LGALS9C: variants seen among roughly 807,000 people sequenced by gnomAD.
The protein encoded by LGALS9C is galectin 9C.
A neutral mutation model predicts 41.3 loss-of-function variants in LGALS9C; 7 were observed. The ratio of observed to expected loss-of-function variants is 0.17; its 90% CI spans 0.10 to 0.32. LGALS9C has a LOEUF of 0.32. Ranked by LOEUF, LGALS9C falls within the 10% of genes least tolerant of loss-of-function variation. The pLI is 1.00. For synonymous variants in LGALS9C, 44 were observed against 171.0 expected (o/e 0.26, Z 5.80); for missense variants, 102 against 455.2 (o/e 0.22, Z 7.06).
intron 7 of LGALS9C, among the ~76,000 whole-genome samples, chr17:18,491,640 G>C (rs1379498357): frequency 6.9e-6 from 1 of 144,860 alleles, no homozygotes; most frequent in Admixed American, 6.8e-5. Context: ...CTGGGTCCCC[G>C]GGATGTCACT....
At chr17:18,492,931 G>A in intron 10 of LGALS9C, 72 bp downstream of exon 10, 1 of 1,408,920 alleles carries the variant, frequency 7.1e-7, no homozygotes, top group Non-Finnish European at 9.8e-7. Flanking sequence ...GAGGTCTGGG[G>A]TACCTTGAAC....
rs1162066557 is a variant in LGALS9C at position 18,480,340 on chromosome 17, T to C, written c.39+3447T>C. Among the ~76,000 whole-genome samples, 52 of 123,924 alleles carry C rather than the reference T, an allele frequency of 4.2e-4. 10 individuals are homozygous for C. Among genetic ancestry groups the C allele is most frequent in the Non-Finnish European group, 7.3e-4 (38 of 51,722 alleles). The allele number at this position is 123,924 out of a possible 152,430, so 81.3% of individuals were successfully genotyped here. A position where few individuals can be genotyped will look rare whatever the true frequency, so the allele number is the denominator to read the frequency against. ...CTTTTATGGGACCTTTGTGATTACA[T>C]TGGGACCACCTGTATAATCCAAGAC... On this transcript the variant is annotated intron_variant, in intron 1 of 10. Coordinates refer to ENST00000328114, the MANE Select transcript of LGALS9C (RefSeq NM_001040078.3).
chr17:18,484,722 G>A (rs548608098), intron 2 of LGALS9C, among the ~76,000 whole-genome samples: 26 of 151,106 alleles, frequency 1.7e-4, no homozygotes, highest in African/African-American at 6.0e-4. Flanking sequence ...CAGTCCCAGC[G>A]GACCTCTCTT....
intron 5 of LGALS9C, 151 bp downstream of exon 5, chr17:18,489,187 GA>G: frequency 2.8e-6 from 2 of 704,198 alleles, no homozygotes; most frequent in Non-Finnish European, 4.5e-6. Context: ...TGGGCACCCA[GA>G]GCCGGGGACC....
chr17:18,491,881 T>TG (rs1989823004), intron 7 of LGALS9C, 64 bp from the exon 8 acceptor site: 1 of 313,044 alleles, frequency 3.2e-6, no homozygotes, highest in Admixed American at 5.5e-5. Context: ...AATGCGTGGG[T>TG]GCGCGTGGGT....
In LGALS9C at chr17:18,483,118, G is replaced by C. The variant is rs1298468574; in HGVS notation, c.40-757G>C. Among the ~76,000 whole-genome samples the C allele has an allele frequency of 3.4e-3, 402 of 119,124 alleles. 3 individuals are homozygous for C. Among genetic ancestry groups the C allele is most frequent in the African/African-American group, 0.01 (358 of 35,270 alleles). 78.1% of individuals were successfully genotyped at this position (119,124 alleles called of 152,430 possible). ...AGAGTTAGGATTCAGACCTGGAGTC[G>C]GCCTGACTCCAAAACGATGCATGCC... On this transcript the variant is annotated intron_variant, in intron 1 of 10. Coordinates refer to ENST00000328114, the MANE Select transcript of LGALS9C (RefSeq NM_001040078.3).
At chr17:18,484,850 C>T (rs555396883) in intron 2 of LGALS9C, among the ~76,000 whole-genome samples, 1 of 149,914 alleles carries the variant, frequency 6.7e-6, no homozygotes, top group South Asian at 2.2e-4. Flanking sequence ...CTGCAGTGCC[C>T]CCAGGAGATG....
At chr17:18,482,621 TAGATGAGGCGTGTG>T (rs893841739) in intron 1 of LGALS9C, among the ~76,000 whole-genome samples, 1 of 146,140 alleles carries the variant, frequency 6.8e-6, no homozygotes, top group Non-Finnish European at 1.6e-5. Flanking sequence ...GTTGACTTTT[TAGATGAGGCGTGTG>T]ACGTCTACTT....
rs565135647 is a variant in LGALS9C, at chr17:18,488,575, G to A, written c.445-366G>A. 4.1e-5 allele frequency among the ~76,000 whole-genome samples: 5 copies of A among 122,376 alleles called. 1 individual carries two copies. The highest frequency in any genetic ancestry group is 2.0e-4 in the East Asian group (1 of 5,114). The allele number at this position is 122,376 out of a possible 152,430, so 80.3% of individuals were successfully genotyped here. On this transcript the variant is annotated intron_variant, in intron 4 of 10. Transcript: ENST00000328114. Reference sequence around the variant, plus strand: ...TGGGCCCACATTCCCACAGGGCACCGGCAGCTGGATGGGAGCTGCTGTTAC... The same window carrying A: ...TGGGCCCACATTCCCACAGGGCACCAGCAGCTGGATGGGAGCTGCTGTTAC...
chr17:18,492,190 C>G (rs1299583943), intron 8 of LGALS9C: 2 of 444,846 alleles, frequency 4.5e-6, no homozygotes, highest in African/African-American at 4.5e-5. Context: ...GTCGTGTCAA[C>G]GTGAGCACAT....
At chr17:18,487,558 A>G in intron 3 of LGALS9C, 89 bp from the exon 4 acceptor site, 2 of 979,734 alleles carry the variant, frequency 2.0e-6, no homozygotes, top group African/African-American at 1.7e-5. Context: ...TCAGGTCTTC[A>G]TTTTTTAGAA....
At chr17:18,484,738 C>T (rs1392472244) in intron 2 of LGALS9C, among the ~76,000 whole-genome samples, 1 of 151,072 alleles carries the variant, frequency 6.6e-6, no homozygotes, top group Admixed American at 6.6e-5. Context: ...CTCTTAAGAC[C>T]CTCTGGGCCT....
intron 7 of LGALS9C, among the ~76,000 whole-genome samples, 187 bp downstream of exon 7, chr17:18,491,510 T>C (rs1371681458): frequency 2.1e-5 from 3 of 140,078 alleles, no homozygotes; most frequent in African/African-American, 5.0e-5. Context: ...AGATTCTGGA[T>C]TTATCCAGTG....
At chr17:18,485,906 G>A (rs1158665563) in intron 2 of LGALS9C, 28 bp from the exon 3 acceptor site, 1 of 1,087,576 alleles carries the variant, frequency 9.2e-7, no homozygotes, top group African/African-American at 1.6e-5. Context: ...CCATGCCACA[G>A]AAGACTATTT....
intron 4 of LGALS9C, among the ~76,000 whole-genome samples, chr17:18,488,145 T>C (rs1736040427): frequency 7.7e-6 from 1 of 129,954 alleles, no homozygotes; most frequent in Non-Finnish European, 1.9e-5. Context: ...ACTTTGCCTC[T>C]CTCAGCCTCA....
chr17:18,488,993 A>G lies in LGALS9C; in HGVS notation c.497A>G (p.Gln166Arg). 1 of 1,502,458 alleles carries G rather than the reference A, an allele frequency of 6.7e-7. No homozygotes were observed. The highest frequency in any genetic ancestry group is 1.2e-5 in the South Asian group (1 of 86,238). The allele number at this position is 1,502,458 out of a possible 1,614,324, so 93.1% of individuals were successfully genotyped here. A position where few individuals can be genotyped will look rare whatever the true frequency, so the allele number is the denominator to read the frequency against. The part of the protein sequence containing the change: ...QPAFSTVPFS[Q>R]PVCFPPRPRG... ...GCCTTCTCCACGGTGCCGTTCTCCC[A>G]GCCTGTCTGTTTCCCACCCAGGCCC... The change falls in exon 5 of 11, where the codon CAG (glutamine) becomes CGG (arginine). Residue 166 changes from glutamine to arginine, a missense_variant. By Grantham distance (43) the Gln-to-Arg change is conservative. Coordinates refer to ENST00000328114, the MANE Select transcript of LGALS9C (RefSeq NM_001040078.3).
rs555068767 is a variant in LGALS9C at position 18,481,840 on chromosome 17, A to T, written c.40-2035A>T. 9.4e-5 allele frequency among the ~76,000 whole-genome samples: 13 copies of T among 138,008 alleles called. No homozygotes were observed. The South Asian group carries it at 3.1e-3, about 33-fold the overall frequency. 90.5% of individuals were successfully genotyped at this position (138,008 alleles called of 152,430 possible). ...TTCCCAGGGTGCTGTGTGGTCACAT[A>T]ACTCAACAATACAGACCAGAAAGCA... On this transcript the variant is annotated intron_variant, in intron 1 of 10. Transcript: ENST00000328114.
chr17:18,476,832 G>C lies in LGALS9C; in HGVS notation c.-23G>C, dbSNP rs367599632. ...TGCCTGGCAGGTGTCAAAGGCAGTG[G>C]TGGCCACAGAGGCGGTGGAGAGATG... On this transcript the variant is annotated 5_prime_UTR_variant, in exon 1 of 11. Coordinates refer to ENST00000328114, the MANE Select transcript of LGALS9C (RefSeq NM_001040078.3). The C allele has an allele frequency of 5.1e-6, 8 of 1,579,152 alleles. No individual in the cohort carries two copies. The African/African-American group carries it at 5.4e-5, about 11-fold the overall frequency.
rs1445824728 is a variant in LGALS9C, at chr17:18,480,235, A to G, written c.39+3342A>G. ...AAAAAAAAAAAAAAAAACACAACAA[A>G]CAAACAAACAAAACCCCCAAAACCA... On this transcript the variant is annotated intron_variant, in intron 1 of 10. Transcript: ENST00000328114. Among the ~76,000 whole-genome samples the G allele has an allele frequency of 1.1e-4, 14 of 126,644 alleles. 1 individual carries two copies. Among genetic ancestry groups the G allele is most frequent in the African/African-American group, 2.8e-4 (11 of 38,968 alleles). The allele number at this position is 126,644 out of a possible 152,430, so 83.1% of individuals were successfully genotyped here. A position where few individuals can be genotyped will look rare whatever the true frequency, so the allele number is the denominator to read the frequency against.
Sources: gnomAD v4.1 joint callset for allele counts (sites outside exome capture counted in the v4.1 genomes callset) on GRCh38, gnomAD v4.1.1 for gene constraint, MANE v1.5 for transcripts, NCBI Gene and HGNC (gene_info 2026-07-23, HGNC 2026-07-21) for gene names.